The following CDKL5 variants were observed in gnomAD, a reference collection of about 807,000 sequenced individuals.
CDKL5 encodes the protein cyclin-dependent kinase-like 5.
In CDKL5, 8 loss-of-function variants were observed where a neutral mutation model predicts 61.7. That is an observed-to-expected ratio of 0.13 (90% CI 0.08 to 0.23). CDKL5 has a LOEUF of 0.23. Among genes scored for constraint, CDKL5 ranks in the 10% least tolerant of loss-of-function variants. CDKL5 has a pLI of 1.00. For missense variants in CDKL5, 440 were observed against 734.5 expected (o/e 0.60, Z 4.63); for synonymous variants, 275 against 272.3 (o/e 1.01, Z -0.10).
intron 3 of CDKL5, among the ~76,000 whole-genome samples, chrX:18,511,656 CTA>C (rs1471209508): frequency 2.7e-5 from 3 of 111,016 alleles, no homozygotes; most frequent in Non-Finnish European, 5.7e-5. Context: ...TAAGTACACT[CTA>C]TGATGTTTGC....
At chrX:18,534,151 T>C (rs1261675965) in intron 3 of CDKL5, among the ~76,000 whole-genome samples, 2 of 111,832 alleles carry the variant, frequency 1.8e-5, no homozygotes, top group African/African-American at 6.5e-5. Flanking sequence ...AGTGAGGTCT[T>C]CACTCTTAAA....
At chrX:18,640,666 G>T (rs926747589), downstream of CDKL5, 1 of 112,294 alleles carries the variant, frequency 8.9e-6, no homozygotes, top group Non-Finnish European at 1.9e-5. Flanking sequence ...ATTAGCGCGA[G>T]TCTAGTCACT....
intron 1 of CDKL5, among the ~76,000 whole-genome samples, chrX:18,429,979 G>C (rs1334830113): frequency 1.8e-5 from 2 of 111,659 alleles, no homozygotes; most frequent in African/African-American, 6.5e-5. Flanking sequence ...TTATGCCTCG[G>C]GTGTACTGAA....
intron 14 of CDKL5, among the ~76,000 whole-genome samples, chrX:18,611,194 G>A: frequency 9.0e-6 from 1 of 111,041 alleles, no homozygotes; most frequent in Non-Finnish European, 1.9e-5. Context: ...ACTTTGGGAG[G>A]CCAAGGCAGG....
At chrX:18,522,564 C>G (rs1279236815) in intron 3 of CDKL5, among the ~76,000 whole-genome samples, 2 of 106,673 alleles carry the variant, frequency 1.9e-5, no homozygotes, top group African/African-American at 6.8e-5. Context: ...AGGCTGGTCT[C>G]AAACTCTTGG....
rs1927180706 is a variant in CDKL5, at chrX:18,629,714, G to A, written c.*957G>A. The A allele has an allele frequency of 1.3e-6, 1 of 752,386 alleles. No homozygotes were observed. The highest frequency in any genetic ancestry group is 2.3e-5 in the African/African-American group (1 of 43,153). The allele number at this position is 752,386 out of a possible 1,213,427, so 62.0% of individuals were successfully genotyped here. On this transcript the variant is annotated 3_prime_UTR_variant, in exon 18 of 18. Transcript: ENST00000623535. ...ATCTCTTTCCAAACCTGCAGGGGAA[G>A]AAAGTCAGATAGGCCAGTGAGAATT...
rs372192124 is a variant in CDKL5 at position 18,624,305 on chromosome X, A to C, written c.2377-823A>C. On this transcript the variant is annotated intron_variant, in intron 16 of 17. Coordinates refer to ENST00000623535, the MANE Select transcript of CDKL5 (RefSeq NM_001323289.2). Reference sequence around the variant, plus strand: ...GTATTTTATGTAAGGAATTCTGTTAACATTTACAGTTAACAAATATCTTTG... The same window carrying C: ...GTATTTTATGTAAGGAATTCTGTTACCATTTACAGTTAACAAATATCTTTG... Among the ~76,000 whole-genome samples the C allele has an allele frequency of 8.0e-5, 9 of 112,705 alleles. No individual in the cohort carries two copies. The East Asian group carries it at 1.7e-3, about 21-fold the overall frequency.
intron 1 of CDKL5, among the ~76,000 whole-genome samples, chrX:18,479,314 C>CTTTTTTT (rs761687087): frequency 2.8e-3 from 183 of 66,498 alleles, no homozygotes; most frequent in Non-Finnish European, 3.6e-3. Flanking sequence ...GCCACTATTT[C>CTTTTTTT]TTTTTTTTTT....
chrX:18,425,714 AC>A lies in CDKL5; in HGVS notation c.-163+22del, dbSNP rs1931344835. 1 of 111,147 alleles carries A rather than the reference AC, an allele frequency of 9.0e-6. No homozygotes were observed. The highest frequency in any genetic ancestry group is 1.9e-5 in the Non-Finnish European group (1 of 52,758). 9.2% of individuals were successfully genotyped at this position (111,147 alleles called of 1,213,427 possible). A position where few individuals can be genotyped will look rare whatever the true frequency, so the allele number is the denominator to read the frequency against. On this transcript the variant is annotated intron_variant, in intron 1 of 17. Coordinates refer to ENST00000623535, the MANE Select transcript of CDKL5 (RefSeq NM_001323289.2). ...CGGCGGGGTGAGTAGTCGCGCCGCC[AC>A]CCGCCCGCCAAGCCTTCTTACCCTT...
intron 3 of CDKL5, among the ~76,000 whole-genome samples, chrX:18,512,446 A>G (rs1922861849): frequency 9.0e-6 from 1 of 111,650 alleles, no homozygotes; most frequent in Non-Finnish European, 1.9e-5. Flanking sequence ...TGTACAAAAT[A>G]CTACCTGCCT....
intron 10 of CDKL5, among the ~76,000 whole-genome samples, chrX:18,597,861 G>T (rs1164142347): frequency 9.0e-6 from 1 of 111,170 alleles, no homozygotes; most frequent in Non-Finnish European, 1.9e-5. Context: ...CTCCCAAAGT[G>T]CTGGGATTAC....
At chrX:18,601,864 T>C (rs931274848) in intron 11 of CDKL5, among the ~76,000 whole-genome samples, 2 of 112,083 alleles carry the variant, frequency 1.8e-5, no homozygotes, top group Non-Finnish European at 3.8e-5. Flanking sequence ...TTATGGTCTT[T>C]GTGAGCTGAG....
At chrX:18,555,074 G>T (rs1456379128) in intron 3 of CDKL5, among the ~76,000 whole-genome samples, 2 of 111,368 alleles carry the variant, frequency 1.8e-5, no homozygotes, top group African/African-American at 6.5e-5. Context: ...CCACAAAATG[G>T]TTAAAATGAA....
At chrX:18,448,129 A>G (rs778859162) in intron 1 of CDKL5, among the ~76,000 whole-genome samples, 7 of 112,051 alleles carry the variant, frequency 6.2e-5, no homozygotes, top group East Asian at 2.8e-4. Flanking sequence ...TGAATATTCT[A>G]TAGGTACCTT....
intron 1 of CDKL5, among the ~76,000 whole-genome samples, chrX:18,465,377 A>T (rs912893765): frequency 9.0e-6 from 1 of 111,601 alleles, no homozygotes; most frequent in African/African-American, 3.3e-5. Context: ...ACATTTTTAA[A>T]TCTTCTGCCG....
chrX:18,518,054 T>A (rs1161991921), intron 3 of CDKL5, among the ~76,000 whole-genome samples: 2 of 111,452 alleles, frequency 1.8e-5, no homozygotes, highest in Non-Finnish European at 3.8e-5. Context: ...TAAAAAGTAA[T>A]CCAACACTGA....
At chrX:18,551,816 C>T (rs1190996466) in intron 3 of CDKL5, among the ~76,000 whole-genome samples, 1 of 106,630 alleles carries the variant, frequency 9.4e-6, no homozygotes, top group Admixed American at 1.0e-4. Context: ...TAGTATTGAA[C>T]TCCTGGGCTC....
chrX:18,501,531 G>GT (rs908415621), intron 1 of CDKL5, among the ~76,000 whole-genome samples: 6 of 109,712 alleles, frequency 5.5e-5, no homozygotes, highest in Non-Finnish European at 1.1e-4. Context: ...GAGACCAAAT[G>GT]TTTTTTTTAA....
chrX:18,629,770 T>G lies in CDKL5; in HGVS notation c.*1013T>G. On this transcript the variant is annotated 3_prime_UTR_variant, in exon 18 of 18. Transcript: ENST00000623535. Reference sequence around the variant, plus strand: ...AGGCCTGGTTTCCGTCCTCACACACTTGGCTCCTGTTTGTGTCCAGGGACG... The same window carrying G: ...AGGCCTGGTTTCCGTCCTCACACACGTGGCTCCTGTTTGTGTCCAGGGACG... 1.3e-6 allele frequency: 1 copy of G among 754,373 alleles called. No individual in the cohort carries two copies. Among genetic ancestry groups the G allele is most frequent in the Non-Finnish European group, 1.6e-6 (1 of 639,371 alleles). The allele number at this position is 754,373 out of a possible 1,213,427, so 62.2% of individuals were successfully genotyped here.
Sources: gnomAD v4.1 joint callset for allele counts (sites outside exome capture counted in the v4.1 genomes callset) on GRCh38, gnomAD v4.1.1 for gene constraint, MANE v1.5 for transcripts, NCBI Gene and HGNC (gene_info 2026-07-23, HGNC 2026-07-21) for gene names.